The following ZNF208 variants were observed in gnomAD, a reference collection of about 807,000 sequenced individuals.
ZNF208 encodes zinc finger protein 95.
ZNF208 carries 10 observed loss-of-function variants against 12.1 expected under a neutral mutation model. The observed-to-expected ratio is 0.83, with a 90% CI of 0.51 to 1.40. ZNF208 has a LOEUF of 1.40. Among genes scored for constraint, ZNF208 ranks in the 40% most tolerant of loss-of-function variants. The pLI is 0.00. For missense variants in ZNF208, 1,652 were observed against 1,485.0 expected (o/e 1.11, Z -1.85); for synonymous variants, 497 against 488.4 (o/e 1.02, Z -0.23).
intron 1 of ZNF208, among the ~76,000 whole-genome samples, chr19:21,994,271 A>C (rs1970790111): frequency 6.6e-6 from 1 of 152,218 alleles, no homozygotes; most frequent in African/African-American, 2.4e-5. Flanking sequence ...ACTGGTTTTA[A>C]TAAAAAATTT....
In ZNF208 at chr19:21,972,184, A is replaced by G. The variant is rs777932607; in HGVS notation, c.2850T>C (p.Cys950=). ...TTGAGGATGACTTATAGGCTTTGCC[A>G]CATGCTTCACATTTGTAGAATTTCT... ...AGEKFYKCEA[C]GKAYKSSSTL... is the part of the protein sequence containing the mutation. Residue 950 remains cysteine (C), a synonymous_variant, in exon 4 of 4, where the codon TGT becomes TGC. Transcript: ENST00000397126. 4.4e-6 allele frequency: 7 copies of G among 1,608,518 alleles called. No individual in the cohort carries two copies. The highest frequency in any genetic ancestry group is 5.9e-6 in the Non-Finnish European group (7 of 1,176,754).
At chr19:22,002,172 A>C (rs1292104381) in intron 1 of ZNF208, among the ~76,000 whole-genome samples, 1 of 152,146 alleles carries the variant, frequency 6.6e-6, no homozygotes, top group Non-Finnish European at 1.5e-5. Context: ...AACCCTCAAC[A>C]AACTAGGCAT....
rs889438736 is a variant in ZNF208 at position 21,972,302 on chromosome 19, T to C, written c.2732A>G (p.His911Arg). The C allele has an allele frequency of 2.2e-5, 35 of 1,613,692 alleles. No individual in the cohort carries two copies. Among genetic ancestry groups the C allele is most frequent in the African/African-American group, 2.1e-4 (16 of 74,902 alleles). Residue 911 changes from histidine to arginine, a missense_variant, in exon 4 of 4, where the codon CAT becomes CGT. His to Arg is a conservative substitution (Grantham distance 29, BLOSUM62 0). Transcript: ENST00000397126. ...FSILTKHEVI[H>R]TGEKPYKCEE... The stretch of plus-strand genomic sequence containing the variant: ...ACATTTGTAGGGTTTCTCTCCAGTA[T>C]GAATTACCTCATGTTTAGTAAGGAT...
At chr19:22,009,064 T>C (rs1971098322) in intron 1 of ZNF208, among the ~76,000 whole-genome samples, 1 of 152,202 alleles carries the variant, frequency 6.6e-6, no homozygotes, top group African/African-American at 2.4e-5. Context: ...AGGGAAACCT[T>C]GACCCAAAAC....
At chr19:21,998,878 A>C (rs1449786243) in intron 1 of ZNF208, 1 of 152,232 alleles carries the variant, frequency 6.6e-6, no homozygotes, top group Non-Finnish European at 1.5e-5. Flanking sequence ...GTGTTAATAT[A>C]GTAGAATATA....
rs184266199 is a variant in ZNF208, at chr19:21,994,220, G to C, written c.4-5311C>G. Among the ~76,000 whole-genome samples the C allele has an allele frequency of 4.4e-3, 674 of 152,096 alleles. 2 individuals carry two copies. The highest frequency in any genetic ancestry group is 6.7e-3 in the Non-Finnish European group (456 of 68,008). On this transcript the variant is annotated intron_variant, in intron 1 of 3. Coordinates refer to ENST00000397126, the MANE Select transcript of ZNF208 (RefSeq NM_007153.3). ...ACTTGTGAATCAACTACTAGATCTG[G>C]AGGAACAGAAAACAAGCTGCTAAAT...
At chr19:21,957,851 ATACTTT>A (rs1970000658) in intron 4 of ZNF208, among the ~76,000 whole-genome samples, 1 of 151,570 alleles carries the variant, frequency 6.6e-6, no homozygotes, top group Non-Finnish European at 1.5e-5. Flanking sequence ...TATTATTATT[ATACTTT>A]AAGTTTTAGG....
chr19:21,971,823 T>A lies in ZNF208; in HGVS notation c.3211A>T (p.Arg1071Ter). The change falls in exon 4 of 4, where the codon AGA becomes TGA. Residue 1071 changes from arginine to a stop codon, truncating the protein, a stop_gained. Coordinates refer to ENST00000397126, the MANE Select transcript of ZNF208 (RefSeq NM_007153.3). LOFTEE classifies it low-confidence loss of function (END_TRUNC). ...TGAGTTGCCTTATGTTCAGTAAGTC[T>A]TGAGGGCCAGCTGAAGGCTTTGCCA... is the stretch of plus-strand genomic sequence containing the variant. ...ECGKAFSWPS[R>*]LTEHKATHAG... 6.2e-7 allele frequency: 1 copy of A among 1,613,576 alleles called. No individual in the cohort carries two copies. Among genetic ancestry groups the A allele is most frequent in the Non-Finnish European group, 8.5e-7 (1 of 1,179,788 alleles).
At chr19:21,950,008 G>T (rs1451167841) in intron 4 of ZNF208, among the ~76,000 whole-genome samples, 2 of 152,148 alleles carry the variant, frequency 1.3e-5, no homozygotes, top group African/African-American at 4.8e-5. Context: ...TTCTCCCAGA[G>T]GAAACTAAAG....
intron 3 of ZNF208, among the ~76,000 whole-genome samples, chr19:21,975,558 C>A (rs1599618296): frequency 1.3e-5 from 2 of 152,082 alleles, no homozygotes; most frequent in East Asian, 3.9e-4. Flanking sequence ...TGACAGGTAG[C>A]CTTTTTAAAT....
At chr19:21,986,792 A>C (rs1195027633) in intron 3 of ZNF208, 1 of 366,724 alleles carries the variant, frequency 2.7e-6, no homozygotes, top group East Asian at 3.8e-5. Flanking sequence ...ATGTACAGAA[A>C]AATGAACAAA....
chr19:21,964,632 C>G (rs999386426), downstream of ZNF208, among the ~76,000 whole-genome samples: 34 of 151,650 alleles, frequency 2.2e-4, no homozygotes, highest in Admixed American at 2.0e-4. Context: ...TGACTTAAAA[C>G]AGCCACTAGT....
intron 1 of ZNF208, among the ~76,000 whole-genome samples, chr19:22,000,237 G>A (rs114091543): frequency 0.018 from 2,764 of 152,158 alleles, 72 homozygotes; most frequent in African/African-American, 0.062. Flanking sequence ...ACTCTTCATC[G>A]AAAAATACCG....
intron 1 of ZNF208, among the ~76,000 whole-genome samples, chr19:22,008,835 C>T (rs1281461302): frequency 6.6e-6 from 1 of 152,154 alleles, no homozygotes; most frequent in African/African-American, 2.4e-5. Flanking sequence ...TGAGAGGCTA[C>T]ACTCCATATC....
At chr19:22,000,673 C>A (rs943045888) in intron 1 of ZNF208, among the ~76,000 whole-genome samples, 2 of 151,968 alleles carry the variant, frequency 1.3e-5, no homozygotes, top group Non-Finnish European at 2.9e-5. Context: ...AGCAAATCAG[C>A]CCCTAAGCTA....
chr19:21,971,379 G>T lies in ZNF208; in HGVS notation c.3655C>A (p.His1219Asn), dbSNP rs1465009307. 1 of 1,609,842 alleles carries T rather than the reference G, an allele frequency of 6.2e-7. No individual in the cohort carries two copies. The highest frequency in any genetic ancestry group is 8.5e-7 in the Non-Finnish European group (1 of 1,179,326). Residue 1219 changes from histidine (H) to asparagine (N), a missense_variant, in exon 4 of 4, where the codon CAT becomes AAT. Around this residue, in one of 3 missense-constraint regions of ZNF208, gnomAD observed 1,239 missense variants for 1,086.2 expected, o/e 1.14. Coordinates refer to ENST00000397126, the MANE Select transcript of ZNF208 (RefSeq NM_007153.3). ...CATTTGTAGGGTTTCTCTCCAGTAT[G>T]AATTTTCTTGTGATATCTAAGGGTT... ...PSTLRYHKKI[H>N]TGEKPYKCEE... is the part of the protein sequence containing the mutation.
downstream of ZNF208, among the ~76,000 whole-genome samples, chr19:21,961,668 C>A (rs768570004): frequency 6.6e-6 from 1 of 151,986 alleles, no homozygotes; most frequent in Non-Finnish European, 1.5e-5. Context: ...TGTTTATAGA[C>A]CTCCCCTGAG....
intron 1 of ZNF208, among the ~76,000 whole-genome samples, chr19:22,002,509 A>C (rs1370508359): frequency 2.6e-5 from 4 of 152,140 alleles, no homozygotes; most frequent in African/African-American, 9.7e-5. Flanking sequence ...CTCAGGATAC[A>C]AAAGAAATGT....
chr19:21,950,827 G>T (rs1158580833), intron 4 of ZNF208, among the ~76,000 whole-genome samples: 1 of 152,060 alleles, frequency 6.6e-6, no homozygotes, highest in East Asian at 1.9e-4. Flanking sequence ...CTCAACCAGA[G>T]ACCAATAATC....
Sources: gnomAD v4.1 joint callset for allele counts (sites outside exome capture counted in the v4.1 genomes callset) on GRCh38, gnomAD v4.1.1 for gene constraint, gnomAD v4.1.1 regional missense constraint, MANE v1.5 for transcripts, NCBI Gene and HGNC (gene_info 2026-07-23, HGNC 2026-07-21) for gene names.